The following ADAM12 variants were observed in gnomAD, a reference collection of about 807,000 sequenced individuals.
ADAM12 encodes the protein disintegrin and metalloproteinase domain-containing protein 12.
Under a neutral mutation model 106.4 loss-of-function variants are expected in ADAM12, and 70 were observed. The observed-to-expected ratio is 0.66, with a 90% confidence interval of 0.54 to 0.80. The LOEUF is 0.80. ADAM12 is among the 30% of genes least tolerant of loss of function. ADAM12 has a pLI of 0.00. For synonymous variants in ADAM12, 420 were observed against 433.5 expected (o/e 0.97, Z 0.39); for missense variants, 1,010 against 1,171.9 (o/e 0.86, Z 2.02).
At chr10:126,356,128 ATACAT>A (rs1261175388) in intron 1 of ADAM12, among the ~76,000 whole-genome samples, 2 of 152,222 alleles carry the variant, frequency 1.3e-5, no homozygotes, top group African/African-American at 4.8e-5. Context: ...AACCTCAAGC[ATACAT>A]TTCTACTGAA....
At chr10:126,344,899 C>G (rs1035544466) in intron 1 of ADAM12, among the ~76,000 whole-genome samples, 7 of 152,180 alleles carry the variant, frequency 4.6e-5, no homozygotes, top group African/African-American at 1.7e-4. Context: ...GCTGAAGTTG[C>G]TTATCAGCTT....
chr10:126,299,297 G>T (rs1960514007), intron 2 of ADAM12, among the ~76,000 whole-genome samples: 1 of 152,206 alleles, frequency 6.6e-6, no homozygotes, highest in Admixed American at 6.5e-5. Flanking sequence ...TCAGTCACTA[G>T]GGATTTAGCC....
intron 1 of ADAM12, among the ~76,000 whole-genome samples, chr10:126,357,057 G>A (rs902544335): frequency 6.6e-6 from 1 of 152,120 alleles, no homozygotes; most frequent in African/African-American, 2.4e-5. Context: ...AGAAATAATG[G>A]CTGAAAACTT....
At chr10:126,273,311 C>T (rs1414073307) in intron 3 of ADAM12, 1 of 153,110 alleles carries the variant, frequency 6.5e-6, no homozygotes, top group Non-Finnish European at 1.5e-5. Flanking sequence ...GAACTTGTGA[C>T]CCTGAAGGAG....
intron 1 of ADAM12, among the ~76,000 whole-genome samples, chr10:126,347,321 C>A (rs1855180382): frequency 6.6e-6 from 1 of 152,168 alleles, no homozygotes; most frequent in African/African-American, 2.4e-5. Flanking sequence ...GTTGAAAATT[C>A]TTCTCTTTAA....
chr10:126,092,379 G>A (rs1412015629), intron 11 of ADAM12, among the ~76,000 whole-genome samples: 1 of 152,144 alleles, frequency 6.6e-6, no homozygotes, highest in Non-Finnish European at 1.5e-5. Flanking sequence ...TAGCGATCAG[G>A]GCTTGTGAAA....
intron 2 of ADAM12, among the ~76,000 whole-genome samples, chr10:126,322,007 G>A (rs1854119534): frequency 6.6e-6 from 1 of 152,062 alleles, no homozygotes. Flanking sequence ...CTAGTCTAGG[G>A]GTTATAAACT....
chr10:126,311,828 G>C (rs1055321809), intron 2 of ADAM12, among the ~76,000 whole-genome samples: 1 of 151,978 alleles, frequency 6.6e-6, no homozygotes, highest in African/African-American at 2.4e-5. Flanking sequence ...GCTGCTCATT[G>C]GTGTCCTTTA....
chr10:126,065,031 G>A (rs1332165815), intron 13 of ADAM12, 30 bp from the exon 14 acceptor site: 2 of 1,582,900 alleles, frequency 1.3e-6, no homozygotes, highest in East Asian at 2.3e-5. Flanking sequence ...TATGACACAT[G>A]CACCCGGGGA....
chr10:126,274,670 T>C (rs1273962009), intron 3 of ADAM12, among the ~76,000 whole-genome samples: 1 of 152,164 alleles, frequency 6.6e-6, no homozygotes, highest in Non-Finnish European at 1.5e-5. Flanking sequence ...AGATGGTCCA[T>C]GAAACTGTGG....
At chr10:126,097,255 A>C (rs934048934) in intron 10 of ADAM12, among the ~76,000 whole-genome samples, 5 of 152,162 alleles carry the variant, frequency 3.3e-5, no homozygotes, top group Non-Finnish European at 7.4e-5. Flanking sequence ...CTGGCATCAC[A>C]AAAACCAAAC....
At chr10:126,340,176 C>T (rs989191528) in intron 1 of ADAM12, among the ~76,000 whole-genome samples, 4 of 152,148 alleles carry the variant, frequency 2.6e-5, no homozygotes, top group East Asian at 1.9e-4. Context: ...TTTAAGCAGG[C>T]TAACTCTGAC....
At chr10:126,121,342 A>G (rs1412325915) in intron 5 of ADAM12, among the ~76,000 whole-genome samples, 1 of 122,028 alleles carries the variant, frequency 8.2e-6, no homozygotes, top group Non-Finnish European at 1.6e-5. Flanking sequence ...ATATTATCTT[A>G]CATGTAACAT....
chr10:126,288,974 C>CA lies in ADAM12; in HGVS notation c.187-9987dup, dbSNP rs1960016047. Among the ~76,000 whole-genome samples, 3 of 151,274 alleles carry CA rather than the reference C, an allele frequency of 2.0e-5. No homozygotes were observed. The South Asian group carries it at 6.3e-4, about 32-fold the overall frequency. On this transcript the variant is annotated intron_variant, in intron 2 of 22. Transcript: ENST00000448723. Reference sequence around the variant, plus strand: ...AGCCCTGAGGATAGGACCACATGGTCACATGATGGCTTGGGGACAGGACCA... The same window carrying CA: ...AGCCCTGAGGATAGGACCACATGGTCAACATGATGGCTTGGGGACAGGACCA...
At chr10:126,067,658 C>T (rs1954900140) in intron 12 of ADAM12, among the ~76,000 whole-genome samples, 1 of 152,212 alleles carries the variant, frequency 6.6e-6, no homozygotes, top group Non-Finnish European at 1.5e-5. Context: ...TACTTGAGAA[C>T]ATTCAAGTAA....
intron 1 of ADAM12, among the ~76,000 whole-genome samples, chr10:126,366,522 A>AAAACATACTGGGC (rs1855917134): frequency 6.6e-6 from 1 of 152,138 alleles, no homozygotes; most frequent in African/African-American, 2.4e-5. Context: ...GAAAAAAGCA[A>AAAACATACTGGGC]AAACATACTG....
chr10:126,387,718 C>T (rs1394106416), intron 1 of ADAM12, among the ~76,000 whole-genome samples: 1 of 152,136 alleles, frequency 6.6e-6, no homozygotes, highest in African/African-American at 2.4e-5. Context: ...GAGGACCCGA[C>T]ACGCATCGTC....
chr10:126,040,072 ATCT>A (rs1014101438), intron 18 of ADAM12, among the ~76,000 whole-genome samples: 8 of 152,298 alleles, frequency 5.3e-5, no homozygotes, highest in South Asian at 2.1e-4. Context: ...CTATGAAAAC[ATCT>A]TCTTTTCTAT....
intron 2 of ADAM12, among the ~76,000 whole-genome samples, chr10:126,292,251 C>T (rs897479143): frequency 6.6e-6 from 1 of 152,114 alleles, no homozygotes; most frequent in Non-Finnish European, 1.5e-5. Context: ...TTTTGTGACC[C>T]CCTTGTTTTT....
Sources: allele counts gnomAD v4.1 joint callset (sites outside exome capture counted in the v4.1 genomes callset), GRCh38; gene constraint gnomAD v4.1.1; transcripts MANE v1.5; gene names NCBI Gene and HGNC (gene_info 2026-07-23, HGNC 2026-07-21).